The following RPP40 variants were observed in gnomAD, a reference collection of about 807,000 sequenced individuals.
RPP40 encodes ribonuclease P protein subunit p40.
Under a neutral mutation model 42.5 loss-of-function variants are expected in RPP40, and 30 were observed. That is an observed-to-expected ratio of 0.71 (90% confidence interval 0.53 to 0.96). The LOEUF is 0.96. RPP40 is among the 40% of genes least tolerant of loss of function. The pLI, the probability that RPP40 is intolerant of heterozygous loss-of-function variation, is 0.00. For synonymous variants in RPP40, 173 were observed against 164.0 expected, an observed-to-expected ratio of 1.05 and a Z score of -0.42; for missense variants, 426 against 433.5, an observed-to-expected ratio of 0.98 and a Z score of 0.15.
chr6:4,989,970 G>A (rs1284214895), downstream of RPP40, among the ~76,000 whole-genome samples: 2 of 152,154 alleles, frequency 1.3e-5, no homozygotes, highest in African/African-American at 4.8e-5. Flanking sequence ...GTACAATGTT[G>A]AACAGAGGCG....
rs1361774007 is a variant in RPP40, at chr6:4,999,815, T to C, written c.427A>G (p.Lys143Glu). The C allele has an allele frequency of 6.4e-7, 1 of 1,568,972 alleles. No individual in the cohort carries two copies. Among genetic ancestry groups the C allele is most frequent in the South Asian group, 1.1e-5 (1 of 89,732 alleles). Reference protein sequence around the residue: ...PSQFSGRKIMKFIVSIDLMEL... With the variant: ...PSQFSGRKIMEFIVSIDLMEL... The stretch of plus-strand genomic sequence containing the variant: ...GAACACACATGATACTTACTAAATT[T>C]CATAATTTTTCTGCCAGAAAACTGA... Residue 143 changes from lysine (K) to glutamate (E), a missense_variant, in exon 4 of 8, where the codon AAA becomes GAA. Transcript: ENST00000380051.
chr6:4,995,009 A>C lies in RPP40; in HGVS notation c.*69T>G. The stretch of plus-strand genomic sequence containing the variant: ...CACACAAGCCTGAGTGGACACACAG[A>C]CCTTTTACCATTAAGAAATCTGAAA... On this transcript the variant is annotated 3_prime_UTR_variant, in exon 8 of 8. Coordinates refer to ENST00000380051, the MANE Select transcript of RPP40 (RefSeq NM_006638.4). 1 of 1,330,024 alleles carries C rather than the reference A, an allele frequency of 7.5e-7. No individual in the cohort carries two copies. Among genetic ancestry groups the C allele is most frequent in the Non-Finnish European group, 1.0e-6 (1 of 957,196 alleles). The allele number at this position is 1,330,024 out of a possible 1,614,324, so 82.4% of individuals were successfully genotyped here. A position where few individuals can be genotyped will look rare whatever the true frequency, so the allele number is the denominator to read the frequency against.
downstream of RPP40, among the ~76,000 whole-genome samples, chr6:4,992,243 C>T (rs1260745275): frequency 6.6e-6 from 1 of 151,980 alleles, no homozygotes; most frequent in East Asian, 1.9e-4. Context: ...GTGGCGCATG[C>T]CTGTAATCCC....
Position 4,995,137 on chromosome 6 carries a change from T to TA in RPP40, c.1032dup (p.Asn345Ter), listed in dbSNP as rs2127539471. ...ATCTGAAGCCAATAGTCCTGATTAT[T>TA]AAAAATCACAAAGTTATATAAATGT... On this transcript the variant is annotated frameshift_variant, in exon 8 of 8. Transcript: ENST00000380051. LOFTEE classifies it high-confidence loss of function. 1 of 1,614,138 alleles carries TA rather than the reference T, an allele frequency of 6.2e-7. No individual in the cohort carries two copies. Among genetic ancestry groups the TA allele is most frequent in the South Asian group, 1.1e-5 (1 of 91,084 alleles).
intron 5 of RPP40, among the ~76,000 whole-genome samples, chr6:4,996,762 G>C (rs1425760265): frequency 5.3e-5 from 8 of 152,236 alleles, no homozygotes; most frequent in Non-Finnish European, 7.3e-5. Flanking sequence ...ACTCCAGAGA[G>C]AAGGAGCTTA....
chr6:5,003,345 TA>T (rs1554114544), intron 1 of RPP40, among the ~76,000 whole-genome samples: 28 of 76,588 alleles, frequency 3.7e-4, no homozygotes, highest in South Asian at 3.6e-3. Flanking sequence ...AAACTCCGTC[TA>T]AAAAAAAAAA....
chr6:5,000,820 AG>A (rs1759530051), intron 2 of RPP40, among the ~76,000 whole-genome samples, 189 bp from the exon 3 acceptor site: 1 of 151,990 alleles, frequency 6.6e-6, no homozygotes, highest in African/African-American at 2.4e-5. Flanking sequence ...CCAAGCATGC[AG>A]AAGACCAAGC....
At chr6:5,000,196 C>CT (rs996804151) in intron 3 of RPP40, among the ~76,000 whole-genome samples, 163 of 147,614 alleles carry the variant, frequency 1.1e-3, no homozygotes, top group South Asian at 4.3e-3. Flanking sequence ...TGAATATCTT[C>CT]TTTTTTTTTT....
At chr6:4,992,386 A>AG (rs886993080), downstream of RPP40, among the ~76,000 whole-genome samples, 9 of 132,030 alleles carry the variant, frequency 6.8e-5, no homozygotes, top group South Asian at 2.4e-4. Context: ...AAAAAAAAAA[A>AG]AAGAAGAAGA....
chr6:4,994,346 T>C (rs1409347392), downstream of RPP40, among the ~76,000 whole-genome samples: 1 of 152,010 alleles, frequency 6.6e-6, no homozygotes, highest in Non-Finnish European at 1.5e-5. Flanking sequence ...TGTATACATA[T>C]GTAACTAACC....
At chr6:4,993,581 C>T (rs1292080025), downstream of RPP40, among the ~76,000 whole-genome samples, 2 of 152,124 alleles carry the variant, frequency 1.3e-5, no homozygotes, top group African/African-American at 4.8e-5. Context: ...TGAAACTCTC[C>T]GAGTTCCTCC....
intron 5 of RPP40, 37 bp from the exon 6 acceptor site, chr6:4,996,457 C>T (rs779536262): frequency 6.2e-7 from 1 of 1,602,974 alleles, no homozygotes; most frequent in Non-Finnish European, 8.5e-7. Context: ...TTGAATCCAT[C>T]TGACCATCGT....
chr6:5,002,709 C>A (rs1389220045), intron 1 of RPP40, among the ~76,000 whole-genome samples: 1 of 152,212 alleles, frequency 6.6e-6, no homozygotes, highest in Non-Finnish European at 1.5e-5. Flanking sequence ...TATGTGCAAG[C>A]AATGGTGCTC....
chr6:4,994,396 T>TA (rs35552747), downstream of RPP40, among the ~76,000 whole-genome samples: 92 of 151,210 alleles, frequency 6.1e-4, no homozygotes, highest in Middle Eastern at 3.4e-3. Flanking sequence ...TAAAGTATAA[T>TA]AAAAAAAAAA....
rs367631505 is a variant in RPP40, at chr6:5,002,204, T to A, written c.165A>T (p.Glu55Asp). The change falls in exon 2 of 8, where the codon GAA (glutamate) becomes GAT (aspartate). Residue 55 changes from glutamate (E) to aspartate (D), a missense_variant. Glu to Asp is a conservative substitution (Grantham distance 45). Transcript: ENST00000380051. The stretch of plus-strand genomic sequence containing the variant: ...CAGTGTTCATGACCAGGTTTTTCAG[T>A]TCTTCCGATAGTATCCCACATTCAG... ...LIPECGILSE[E>D]LKNLVMNTGP... 356 of 1,613,538 alleles carry A rather than the reference T, an allele frequency of 2.2e-4. No individual in the cohort carries two copies. The highest frequency in any genetic ancestry group is 2.4e-4 in the Non-Finnish European group (280 of 1,179,642).
downstream of RPP40, among the ~76,000 whole-genome samples, chr6:4,994,258 AG>A (rs544596716): frequency 4.3e-5 from 2 of 47,052 alleles, no homozygotes; most frequent in African/African-American, 1.8e-4. Context: ...GGGTGGGGGG[AG>A]GGGGGAGGGA....
In RPP40 at chr6:4,996,377, T is replaced by G. The variant is rs61730291; in HGVS notation, c.603A>C (p.Gln201His). 5.4e-3 allele frequency: 8,703 copies of G among 1,613,904 alleles called. 426 individuals carry two copies. In the African/African-American group the frequency reaches 0.1, roughly 19 times the overall value. ...CTACTTTTGGCTGATGCTCCTGAAT[T>G]TGGTACTTGGAAAAATATGACATCA... is the stretch of plus-strand genomic sequence containing the variant. ...STMMSYFSKY[Q>H]IQEHQPKVAL... The change falls in exon 6 of 8, where the codon CAA becomes CAC. Residue 201 changes from glutamine to histidine, a missense_variant. By Grantham distance (24) the Gln-to-His change is conservative. Coordinates refer to ENST00000380051, the MANE Select transcript of RPP40 (RefSeq NM_006638.4).
At position 4,998,806 on chromosome 6, in the gene RPP40, A is replaced by G; in HGVS notation, c.469T>C (p.Leu157=). Residue 157 remains leucine, a synonymous_variant, in exon 5 of 8, where the codon TTG becomes CTG. Transcript: ENST00000380051. ...SIDLMELSLN[L]DSKKYERISW... ...ATTCTTTCATACTTCTTAGAATCCA[A>G]GTTTAAGGATAATTCCATCAAATCA... is the stretch of plus-strand genomic sequence containing the variant. The G allele has an allele frequency of 1.3e-6, 2 of 1,485,568 alleles. No homozygotes were observed. The highest frequency in any genetic ancestry group is 1.8e-6 in the Non-Finnish European group (2 of 1,088,124). The allele number at this position is 1,485,568 out of a possible 1,614,324, so 92.0% of individuals were successfully genotyped here. A position where few individuals can be genotyped will look rare whatever the true frequency, so the allele number is the denominator to read the frequency against.
At chr6:4,989,178 G>A in the RPP40 span, among the ~76,000 whole-genome samples, 1 of 151,328 alleles carries the variant, frequency 6.6e-6, no homozygotes, top group African/African-American at 2.4e-5. Flanking sequence ...GTCTGTTGAT[G>A]TCTTTCCTTC....
Sources: allele counts gnomAD v4.1 joint callset (sites outside exome capture counted in the v4.1 genomes callset), GRCh38; gene constraint gnomAD v4.1.1; transcripts MANE v1.5; gene names NCBI Gene and HGNC (gene_info 2026-07-23, HGNC 2026-07-21).